The following SYT8 variants were observed in gnomAD, a reference collection of about 807,000 sequenced individuals.
SYT8 encodes synaptotagmin-8.
SYT8 carries 50 observed loss-of-function variants against 34.9 expected under a neutral mutation model. The observed-to-expected ratio is 1.43, with a 90% CI of 1.14 to 1.81. SYT8 has a LOEUF of 1.81. Ranked by LOEUF, SYT8 falls within the 40% of genes most tolerant of loss-of-function variation. The probability of loss-of-function intolerance (pLI) is 0.00; values close to 1 mark genes in which losing one functional copy is unlikely to be tolerated. For missense variants in SYT8, 595 were observed against 529.0 expected (o/e 1.12, Z -1.22); for synonymous variants, 255 against 234.2 (o/e 1.09, Z -0.81).
In SYT8 at chr11:1,837,457, G is replaced by A. The variant is rs376214346; in HGVS notation, c.*26G>A. 2.9e-5 allele frequency: 47 copies of A among 1,599,656 alleles called. No homozygotes were observed. The South Asian group carries it at 4.2e-4, about 14-fold the overall frequency. On this transcript the variant is annotated 3_prime_UTR_variant, in exon 8 of 8. Coordinates refer to ENST00000341958, the MANE Select transcript of SYT8 (RefSeq NM_001394072.1). ...ATGCACCACATGCCTCTGTCTCCCC[G>A]CTGAGCCCAGGCACTTGCCCAGGCC...
In SYT8 at chr11:1,837,395, C is replaced by T; in HGVS notation, c.1128C>T (p.Pro376=). 6.2e-7 allele frequency: 1 copy of T among 1,604,340 alleles called. No homozygotes were observed. The part of the protein sequence containing the change: ...REVDRMLALQ[P]RLRLRLPLPH... The stretch of plus-strand genomic sequence containing the variant: ...TGGACCGCATGCTGGCCCTGCAGCC[C>T]CGCCTTCGCCTGCGCCTGCCCTTGC... The change falls in exon 8 of 8, where the codon CCC becomes CCT. Residue 376 remains proline (P), a synonymous_variant. Transcript: ENST00000341958.
At chr11:1,832,615 G>C (rs1172741507), upstream of SYT8, among the ~76,000 whole-genome samples, 1 of 152,146 alleles carries the variant, frequency 6.6e-6, no homozygotes, top group Non-Finnish European at 1.5e-5. Flanking sequence ...AGGGGCGGAC[G>C]GCGCCACCTG....
upstream of SYT8, chr11:1,834,488 C>T: frequency 2.3e-6 from 3 of 1,328,268 alleles, no homozygotes; most frequent in Non-Finnish European, 3.2e-6. The surrounding 1 kb of genome is among the most constrained non-coding windows in gnomAD (Gnocchi z 4.5). Context: ...GCTCAGTGAG[C>T]TCCGCCGACA....
At chr11:1,833,852 GTGTGTGTGTGTC>G (rs1846764914), upstream of SYT8, 2 of 137,600 alleles carry the variant, frequency 1.5e-5, no homozygotes, top group East Asian at 2.3e-4. Context: ...GTGTGTGTGT[GTGTGTGTGTGTC>G]TGGAGTCATG....
In SYT8 at chr11:1,835,030, G is replaced by C; in HGVS notation, c.-76G>C. On this transcript the variant is annotated 5_prime_UTR_variant, in exon 1 of 8. Coordinates refer to ENST00000341958, the MANE Select transcript of SYT8 (RefSeq NM_001394072.1). ...TGCTGCTAGTCAGATGGGGTAGCGG[G>C]CAGGGGCCGGAGGGGCCACCCTCCC... 1 of 1,475,016 alleles carries C rather than the reference G, an allele frequency of 6.8e-7. No individual in the cohort carries two copies. Among genetic ancestry groups the C allele is most frequent in the Non-Finnish European group, 9.4e-7 (1 of 1,062,502 alleles). 91.4% of individuals were successfully genotyped at this position (1,475,016 alleles called of 1,614,324 possible).
upstream of SYT8, chr11:1,834,572 A>G (rs552336115): frequency 3.2e-5 from 51 of 1,581,334 alleles, no homozygotes; most frequent in South Asian, 2.0e-4. The surrounding 1 kb of genome is among the most constrained non-coding windows in gnomAD (Gnocchi z 4.5). Flanking sequence ...TGCAGTGAAC[A>G]TGCTCCACCT....
chr11:1,835,628 GC>G, intron 2 of SYT8, 169 bp downstream of exon 2: 1 of 855,456 alleles, frequency 1.2e-6, no homozygotes, highest in Non-Finnish European at 1.8e-6. Context: ...TGAGAAGGAG[GC>G]CATGCAACAG....
At chr11:1,832,490 C>T (rs1179362535), upstream of SYT8, among the ~76,000 whole-genome samples, 1 of 152,168 alleles carries the variant, frequency 6.6e-6, no homozygotes, top group Non-Finnish European at 1.5e-5. Flanking sequence ...CCCCGGGAGG[C>T]TCAGGCAGGG....
chr11:1,834,497 C>G, upstream of SYT8: 2 of 1,413,800 alleles, frequency 1.4e-6, no homozygotes, highest in African/African-American at 1.4e-5. This position sits in a 1 kb window ranked among gnomAD's most constrained non-coding sequence, Gnocchi z 4.5. Flanking sequence ...GCTCCGCCGA[C>G]AGCCAGCCCT....
intron 7 of SYT8, 48 bp downstream of exon 7, chr11:1,837,138 C>T (rs752891942): frequency 3.2e-5 from 52 of 1,603,364 alleles, no homozygotes; most frequent in Middle Eastern, 1.7e-4. Context: ...TGCCAGACCA[C>T]GATGACTGTG....
Position 1,837,214 on chromosome 11 carries a change from T to C in SYT8, c.947T>C (p.Val316Ala). ...QVQNVDLVLA[V>A]WDRSLPLRTE... ...CAGAATGTGGACCTGGTGCTGGCTG[T>C]CTGGGACCGCAGCCTGCCGCTCCGA... The change falls in exon 8 of 8, where the codon GTC becomes GCC. Residue 316 changes from valine to alanine, a missense_variant. Coordinates refer to ENST00000341958, the MANE Select transcript of SYT8 (RefSeq NM_001394072.1). 1 of 1,568,896 alleles carries C rather than the reference T, an allele frequency of 6.4e-7. No individual in the cohort carries two copies. Among genetic ancestry groups the C allele is most frequent in the Non-Finnish European group, 8.6e-7 (1 of 1,158,718 alleles).
In SYT8 at chr11:1,835,111, G is replaced by A. The variant is rs1478248113; in HGVS notation, c.6G>A (p.Gly2=). The A allele has an allele frequency of 6.2e-7, 1 of 1,613,026 alleles. No homozygotes were observed. Among genetic ancestry groups the A allele is most frequent in the Non-Finnish European group, 8.5e-7 (1 of 1,179,852 alleles). M[G]HPPVSPSAPA... is the part of the protein sequence containing the mutation. ...CAAACCAGCAGGGTAGAAAGATGGG[G>A]CACCCACCAGTCTCTCCCAGTGCCC... Residue 2 remains glycine (G), a synonymous_variant, in exon 1 of 8, where the codon GGG becomes GGA. Transcript: ENST00000341958.
chr11:1,834,451 C>G (rs904474299), upstream of SYT8: 3 of 927,598 alleles, frequency 3.2e-6, no homozygotes, highest in African/African-American at 3.3e-5. This position sits in a 1 kb window ranked among gnomAD's most constrained non-coding sequence, Gnocchi z 4.5. Context: ...TGAGCCCCTG[C>G]CAGGAATGCA....
At chr11:1,835,791 T>C (rs989590929) in intron 2 of SYT8, 95 bp from the exon 3 acceptor site, 3 of 1,101,414 alleles carry the variant, frequency 2.7e-6, no homozygotes, top group Non-Finnish European at 4.0e-6. Context: ...AGGCGGGGGG[T>C]CTTGACCCAT....
intron 2 of SYT8, 40 bp from the exon 3 acceptor site, chr11:1,835,846 G>T: frequency 6.4e-7 from 1 of 1,550,930 alleles, no homozygotes; most frequent in South Asian, 1.1e-5. Context: ...GATGAGGCAT[G>T]ATGTCAGCAC....
At chr11:1,832,557 G>T (rs1385308000), upstream of SYT8, among the ~76,000 whole-genome samples, 11 of 152,118 alleles carry the variant, frequency 7.2e-5, no homozygotes, top group Admixed American at 6.5e-4. Context: ...AGCGCCCAAG[G>T]GTCTCCAGGG....
chr11:1,834,160 G>A (rs931483137), upstream of SYT8: 6 of 276,710 alleles, frequency 2.2e-5, no homozygotes, highest in African/African-American at 9.3e-5. This position sits in a 1 kb window ranked among gnomAD's most constrained non-coding sequence, Gnocchi z 4.5. Context: ...TGGGGTCACC[G>A]TAGGCCCCAT....
Position 1,835,287 on chromosome 11 carries a change from C to G in SYT8, c.95-9C>G. ...TCCACAGATGCACTCAGCCTGGCCT[C>G]TACCCCAGGGCCCCGCTGGGCTCTC... On this transcript the variant is annotated splice_polypyrimidine_tract_variant and intron_variant, in intron 1 of 7. Coordinates refer to ENST00000341958, the MANE Select transcript of SYT8 (RefSeq NM_001394072.1). 6.2e-7 allele frequency: 1 copy of G among 1,600,056 alleles called. No homozygotes were observed. The highest frequency in any genetic ancestry group is 8.5e-7 in the Non-Finnish European group (1 of 1,171,466).
chr11:1,835,000 C>G lies in SYT8; in HGVS notation c.-106C>G. The G allele has an allele frequency of 8.2e-7, 1 of 1,212,516 alleles. No individual in the cohort carries two copies. The highest frequency in any genetic ancestry group is 1.2e-6 in the Non-Finnish European group (1 of 841,170). The allele number at this position is 1,212,516 out of a possible 1,614,324, so 75.1% of individuals were successfully genotyped here. Reference sequence around the variant, plus strand: ...CCTCCTTGCCCTGGCAGACCCAGCACTGGCTGCTGCTAGTCAGATGGGGTA... The same window carrying G: ...CCTCCTTGCCCTGGCAGACCCAGCAGTGGCTGCTGCTAGTCAGATGGGGTA... On this transcript the variant is annotated 5_prime_UTR_variant, in exon 1 of 8. Transcript: ENST00000341958. This position sits in a 1 kb window ranked among gnomAD's most constrained non-coding sequence, Gnocchi z 4.5.
Sources: gnomAD v4.1 joint callset for allele counts (sites outside exome capture counted in the v4.1 genomes callset) on GRCh38, gnomAD v4.1.1 for gene constraint, Gnocchi (gnomAD v3.1) non-coding constraint, MANE v1.5 for transcripts, NCBI Gene and HGNC (gene_info 2026-07-23, HGNC 2026-07-21) for gene names.